ZBBX: variants seen among roughly 807,000 people sequenced by gnomAD.
ZBBX encodes zinc finger B-box domain containing.
A neutral mutation model predicts 108.5 loss-of-function variants in ZBBX; 101 were observed. The observed-to-expected ratio is 0.93, with a 90% CI of 0.79 to 1.10. The LOEUF (loss-of-function observed/expected upper bound fraction) is 1.10. Among genes scored for constraint, ZBBX ranks in the 50% least tolerant of loss-of-function variants. The probability of loss-of-function intolerance (pLI) is 0.00; values close to 1 mark genes in which losing one functional copy is unlikely to be tolerated. For missense variants in ZBBX, 1,009 were observed against 941.4 expected (o/e 1.07, Z -0.94); for synonymous variants, 356 against 323.4 (o/e 1.10, Z -1.08).
intron 4 of ZBBX, among the ~76,000 whole-genome samples, chr3:167,369,028 T>C (rs1386852452): frequency 1.3e-5 from 2 of 152,122 alleles, no homozygotes; most frequent in Non-Finnish European, 2.9e-5. Flanking sequence ...ATCTCTACCT[T>C]TATGTCATAT....
chr3:167,275,556 C>G (rs1269627006), intron 20 of ZBBX, among the ~76,000 whole-genome samples: 1 of 152,224 alleles, frequency 6.6e-6, no homozygotes, highest in Non-Finnish European at 1.5e-5. Context: ...CACCCGAATA[C>G]TGCGCTTTTC....
chr3:167,318,761 A>C (rs564211941), intron 12 of ZBBX, among the ~76,000 whole-genome samples: 1 of 152,076 alleles, frequency 6.6e-6, no homozygotes, highest in African/African-American at 2.4e-5. Flanking sequence ...GCATAAAGTC[A>C]TATGGACCAC....
the ZBBX span, among the ~76,000 whole-genome samples, chr3:167,180,900 A>T: frequency 6.6e-6 from 1 of 152,174 alleles, no homozygotes; most frequent in African/African-American, 2.4e-5. Flanking sequence ...TGGCTCTAAG[A>T]TCTGTCAACA....
intron 7 of ZBBX, 99 bp downstream of exon 7, chr3:167,360,576 A>T: frequency 3.0e-6 from 2 of 665,724 alleles, no homozygotes; most frequent in Non-Finnish European, 4.4e-6. Flanking sequence ...GAATCTTTAT[A>T]CTGCCCGGAC....
chr3:167,368,501 C>A lies in ZBBX; in HGVS notation c.142G>T (p.Glu48Ter). ...TCTTTGTTTCTTGTGGATCGGAATT[C>A]TTGCAGTTTCTTCTCCATCTCTTGG... ...ENQEMEKKLQ[E>*]FRSTRNKEKE... The change falls in exon 5 of 22, where the codon GAA becomes TAA. Residue 48 changes from glutamate to a stop codon, truncating the protein, a stop_gained. Coordinates refer to ENST00000675490, the MANE Select transcript of ZBBX (RefSeq NM_001199201.2). LOFTEE classifies it high-confidence loss of function. The A allele has an allele frequency of 6.2e-7, 1 of 1,612,282 alleles. No individual in the cohort carries two copies.
chr3:167,345,589 C>T (rs1741304525), intron 9 of ZBBX, among the ~76,000 whole-genome samples: 1 of 151,728 alleles, frequency 6.6e-6, no homozygotes, highest in African/African-American at 2.4e-5. Context: ...ATTTACTTGT[C>T]ATCCACATAT....
At chr3:167,244,618 A>T (rs1017647153) in intron 20 of ZBBX, among the ~76,000 whole-genome samples, 2 of 152,166 alleles carry the variant, frequency 1.3e-5, no homozygotes, top group Non-Finnish European at 2.9e-5. Flanking sequence ...GGCAGAGAAA[A>T]ATAAAACTGC....
At chr3:167,367,588 A>T (rs1006934600) in intron 5 of ZBBX, among the ~76,000 whole-genome samples, 53 of 45,702 alleles carry the variant, frequency 1.2e-3, no homozygotes, top group Admixed American at 7.1e-4. Context: ...ACTCATTTGT[A>T]AAAAAAAAAA....
intron 20 of ZBBX, among the ~76,000 whole-genome samples, chr3:167,261,212 G>A (rs981811573): frequency 2.6e-5 from 4 of 152,158 alleles, no homozygotes; most frequent in African/African-American, 9.7e-5. Flanking sequence ...ATGGATACCA[G>A]CACCTGTTCC....
intron 20 of ZBBX, among the ~76,000 whole-genome samples, chr3:167,248,997 G>C (rs891566378): frequency 2.0e-5 from 3 of 152,232 alleles, no homozygotes; most frequent in Non-Finnish European, 4.4e-5. Flanking sequence ...GAAAGGGAAT[G>C]AGGGACACCT....
At chr3:167,388,482 T>G (rs1344491624) in intron 1 of ZBBX, among the ~76,000 whole-genome samples, 2 of 151,824 alleles carry the variant, frequency 1.3e-5, no homozygotes, top group Non-Finnish European at 2.9e-5. Context: ...GACAGGGAGA[T>G]CAGTGAGAAT....
the ZBBX span, among the ~76,000 whole-genome samples, chr3:167,192,383 C>T: frequency 1.3e-5 from 2 of 152,166 alleles, no homozygotes; most frequent in Admixed American, 6.5e-5. Context: ...TTCAGTGAGA[C>T]CTTTGCTGGG....
intron 6 of ZBBX, among the ~76,000 whole-genome samples, 156 bp downstream of exon 6, chr3:167,365,730 G>A (rs1577099479): frequency 1.3e-5 from 2 of 151,814 alleles, no homozygotes; most frequent in East Asian, 3.9e-4. Flanking sequence ...AATGAAAGTT[G>A]CATATTACCC....
At chr3:167,179,203 G>A in the ZBBX span, among the ~76,000 whole-genome samples, 1 of 152,290 alleles carries the variant, frequency 6.6e-6, no homozygotes, top group East Asian at 1.9e-4. Context: ...AGGGAACATG[G>A]GTGACACCCA....
intron 17 of ZBBX, among the ~76,000 whole-genome samples, chr3:167,300,688 T>A (rs544750143): frequency 3.9e-4 from 59 of 149,914 alleles, no homozygotes; most frequent in Admixed American, 3.5e-3. Flanking sequence ...CAGCTCACTA[T>A]AACCTCCGCC....
At chr3:167,383,510 G>T (rs1325820528), upstream of ZBBX, among the ~76,000 whole-genome samples, 1 of 152,044 alleles carries the variant, frequency 6.6e-6, no homozygotes, top group Non-Finnish European at 1.5e-5. Flanking sequence ...AGAATAAAAA[G>T]AAACTTAGAG....
intron 20 of ZBBX, chr3:167,252,060 A>G: frequency 9.9e-7 from 1 of 1,014,514 alleles, no homozygotes; most frequent in South Asian, 1.4e-5. Flanking sequence ...TGCCCTTCTC[A>G]GGTACTTCTA....
At chr3:167,260,175 C>G (rs879856448) in intron 20 of ZBBX, among the ~76,000 whole-genome samples, 2 of 152,124 alleles carry the variant, frequency 1.3e-5, no homozygotes, top group Non-Finnish European at 2.9e-5. Context: ...TCCCTTCTAG[C>G]TTATAGGGTT....
chr3:167,216,777 T>C, the ZBBX span, among the ~76,000 whole-genome samples: 2 of 152,222 alleles, frequency 1.3e-5, no homozygotes, highest in African/African-American at 2.4e-5. Flanking sequence ...AACAGGGATA[T>C]AGACCAACGG....
Sources: allele counts gnomAD v4.1 joint callset (sites outside exome capture counted in the v4.1 genomes callset), GRCh38; gene constraint gnomAD v4.1.1; transcripts MANE v1.5; gene names NCBI Gene and HGNC (gene_info 2026-07-23, HGNC 2026-07-21).